Variants in HIBCH observed in about 807,000 individuals in gnomAD.
HIBCH encodes 3-hydroxyisobutyryl-CoA hydrolase, also known as 3-hydroxyisobutyryl-CoA hydrolase, mitochondrial.
Under a neutral mutation model 58.2 loss-of-function variants are expected in HIBCH, and 50 were observed. The ratio of observed to expected loss-of-function variants is 0.86; its 90% CI spans 0.68 to 1.09. The LOEUF (loss-of-function observed/expected upper bound fraction) is 1.09, where lower values mean the gene tolerates loss of function less well. HIBCH is among the 50% of genes least tolerant of loss of function. HIBCH has a pLI of 0.00. For synonymous variants in HIBCH, 151 were observed against 146.9 expected (o/e 1.03, Z -0.20); for missense variants, 450 against 449.7 (o/e 1.00, Z -0.01).
chr2:190,224,188 G>A (rs1288361050), intron 11 of HIBCH, among the ~76,000 whole-genome samples: 3 of 152,206 alleles, frequency 2.0e-5, no homozygotes, highest in African/African-American at 7.2e-5. Flanking sequence ...GAACTACAAG[G>A]AGGCAGCGAG....
chr2:190,290,128 C>A (rs931502597), intron 5 of HIBCH, among the ~76,000 whole-genome samples: 2 of 152,226 alleles, frequency 1.3e-5, no homozygotes, highest in Admixed American at 6.5e-5. Context: ...ATCCACCCAC[C>A]TCAGCCTCCC....
chr2:190,278,225 G>A (rs1687609962), intron 6 of HIBCH, among the ~76,000 whole-genome samples: 1 of 150,978 alleles, frequency 6.6e-6, no homozygotes, highest in Non-Finnish European at 1.5e-5. Flanking sequence ...TTTTTTTTAA[G>A]ATGGAGTCTC....
At chr2:190,196,469 T>G (rs1353577005) in intron 1 of HIBCH, among the ~76,000 whole-genome samples, 1 of 152,034 alleles carries the variant, frequency 6.6e-6, no homozygotes, top group Non-Finnish European at 1.5e-5. Flanking sequence ...TTGGGTATAC[T>G]TAAATAGCTA....
chr2:190,241,472 G>T (rs963275730), intron 11 of HIBCH, among the ~76,000 whole-genome samples: 17 of 152,158 alleles, frequency 1.1e-4, no homozygotes, highest in African/African-American at 4.1e-4. Flanking sequence ...TACATTTAAG[G>T]TTAATATGGT....
intron 5 of HIBCH, among the ~76,000 whole-genome samples, chr2:190,290,093 G>A (rs534269297): frequency 1.3e-5 from 2 of 152,152 alleles, no homozygotes; most frequent in African/African-American, 4.8e-5. Flanking sequence ...TGGCCAGGCT[G>A]GTCTCAAACT....
rs1685582785 is a variant in HIBCH at position 190,217,273 on chromosome 2, CAA to C, written c.892-4200_892-4199del. Reference sequence around the variant, plus strand: ...CTGAGGCAGGTGGATCACCTGAGGTCAAGAGTTCAAGACCAGCCTGGCCAACA... The same window carrying C: ...CTGAGGCAGGTGGATCACCTGAGGTCGAGTTCAAGACCAGCCTGGCCAACA... On this transcript the variant is annotated intron_variant, in intron 11 of 13. Coordinates refer to ENST00000359678, the MANE Select transcript of HIBCH (RefSeq NM_014362.4). The surrounding 1 kb of genome is among the most constrained non-coding windows in gnomAD (Gnocchi z 4.6). Among the ~76,000 whole-genome samples, 1 of 152,172 alleles carries C rather than the reference CAA, an allele frequency of 6.6e-6. No individual in the cohort carries two copies. The highest frequency in any genetic ancestry group is 2.1e-4 in the South Asian group (1 of 4,828).
At chr2:190,308,638 T>C (rs903923664) in intron 2 of HIBCH, among the ~76,000 whole-genome samples, 3 of 152,132 alleles carry the variant, frequency 2.0e-5, no homozygotes, top group Admixed American at 6.5e-5. Flanking sequence ...ACCTGCAAAA[T>C]GGCCCACACC....
intron 10 of HIBCH, chr2:190,245,300 T>C (rs1686574222): frequency 3.9e-6 from 1 of 254,978 alleles, no homozygotes; most frequent in Non-Finnish European, 7.7e-6. Flanking sequence ...CTCCTCTTGT[T>C]TCCCAAAGCC....
chr2:190,275,597 G>A (rs1227924791), intron 6 of HIBCH, among the ~76,000 whole-genome samples: 2 of 152,266 alleles, frequency 1.3e-5, no homozygotes, highest in South Asian at 4.1e-4. Context: ...TCAAATTTAT[G>A]GTAAAGCTTG....
At chr2:190,319,237 C>T (rs1688784231) in intron 1 of HIBCH, among the ~76,000 whole-genome samples, 1 of 152,200 alleles carries the variant, frequency 6.6e-6, no homozygotes, top group Non-Finnish European at 1.5e-5. Context: ...TCCCTCAACA[C>T]TAGCCTGAAA....
chr2:190,294,201 T>C (rs1431685454), intron 4 of HIBCH, among the ~76,000 whole-genome samples: 1 of 151,766 alleles, frequency 6.6e-6, no homozygotes, highest in Non-Finnish European at 1.5e-5. Context: ...ATAGTCAGGT[T>C]ATAAGACCAA....
intron 2 of HIBCH, among the ~76,000 whole-genome samples, chr2:190,297,919 C>G (rs545360428): frequency 4.0e-4 from 61 of 150,910 alleles, no homozygotes; most frequent in African/African-American, 1.4e-3. Flanking sequence ...CCCCACCCCC[C>G]AACAGGCCCC....
Position 190,297,233 on chromosome 2 carries a change from C to T in HIBCH, c.79-280G>A, listed in dbSNP as rs527819441. 3.3e-5 allele frequency among the ~76,000 whole-genome samples: 5 copies of T among 152,152 alleles called. No individual in the cohort carries two copies. The South Asian group carries it at 1.0e-3, about 32-fold the overall frequency. On this transcript the variant is annotated intron_variant, in intron 2 of 13. Coordinates refer to ENST00000359678, the MANE Select transcript of HIBCH (RefSeq NM_014362.4). The stretch of plus-strand genomic sequence containing the variant: ...TAGAATTTCTTGGACTTTGAAATAC[C>T]CTTAAATATTTTAATTTACTACTGT...
chr2:190,256,045 A>G (rs941223831), intron 7 of HIBCH, among the ~76,000 whole-genome samples: 4 of 152,166 alleles, frequency 2.6e-5, no homozygotes, highest in African/African-American at 9.7e-5. Flanking sequence ...AAGAGTGAGG[A>G]GCAAAGGGGG....
chr2:190,229,214 G>A (rs775503575), intron 11 of HIBCH, among the ~76,000 whole-genome samples: 1 of 152,124 alleles, frequency 6.6e-6, no homozygotes, highest in African/African-American at 2.4e-5. Flanking sequence ...TGTATATTTA[G>A]ATCACTTTAC....
At chr2:190,263,525 T>G (rs1474572244) in intron 6 of HIBCH, among the ~76,000 whole-genome samples, 1 of 152,216 alleles carries the variant, frequency 6.6e-6, no homozygotes, top group African/African-American at 2.4e-5. Context: ...TACTCTGTCC[T>G]GTCTACATGC....
chr2:190,199,776 TCACATGGACAAATTTCATTG>T (rs1158490244), downstream of HIBCH: 1 of 1,554,468 alleles, frequency 6.4e-7, no homozygotes, highest in Admixed American at 1.9e-5. Context: ...CTGGTCAACA[TCACATGGACAAATTTCATTG>T]TTTTCTAAAG....
chr2:190,233,298 A>T (rs1015233226), intron 11 of HIBCH, among the ~76,000 whole-genome samples: 17 of 152,188 alleles, frequency 1.1e-4, no homozygotes, highest in African/African-American at 2.4e-5. Flanking sequence ...ACAGAAAAGA[A>T]GATGATATGG....
rs865846903 is a variant in HIBCH, at chr2:190,294,020, G to A, written c.304+526C>T. 5.6e-3 allele frequency among the ~76,000 whole-genome samples: 702 copies of A among 125,728 alleles called. 11 individuals carry two copies. The highest frequency in any genetic ancestry group is 0.019 in the African/African-American group (628 of 33,520). 82.5% of individuals were successfully genotyped at this position (125,728 alleles called of 152,430 possible). On this transcript the variant is annotated intron_variant, in intron 4 of 13. Coordinates refer to ENST00000359678, the MANE Select transcript of HIBCH (RefSeq NM_014362.4). ...ATATATTTTGTAATATATATTTTGTGTGTATATATATATATATATATATAT... is the reference window on the plus strand; with the variant it reads ...ATATATTTTGTAATATATATTTTGTATGTATATATATATATATATATATAT...
Sources: gnomAD v4.1 joint callset for allele counts (sites outside exome capture counted in the v4.1 genomes callset) on GRCh38, gnomAD v4.1.1 for gene constraint, Gnocchi (gnomAD v3.1) non-coding constraint, MANE v1.5 for transcripts, NCBI Gene and HGNC (gene_info 2026-07-23, HGNC 2026-07-21) for gene names.